DDAH1: variants seen among roughly 807,000 people sequenced by gnomAD.
DDAH1 encodes the protein dimethylarginine dimethylaminohydrolase 1, also known as N(G),N(G)-dimethylarginine dimethylaminohydrolase 1.
DDAH1 carries 19 observed loss-of-function variants against 28.8 expected under a neutral mutation model. The ratio of observed to expected loss-of-function variants is 0.66; its 90% CI spans 0.46 to 0.97. The LOEUF is 0.97. Ranked by LOEUF, DDAH1 falls within the 50% of genes least tolerant of loss-of-function variation. DDAH1 has a pLI of 0.00. For missense variants in DDAH1, 326 were observed against 375.9 expected (o/e 0.87, Z 1.10); for synonymous variants, 153 against 154.4 (o/e 0.99, Z 0.07).
chr1:85,353,072 T>G (rs2100846971), intron 2 of DDAH1, among the ~76,000 whole-genome samples: 1 of 152,266 alleles, frequency 6.6e-6, no homozygotes, highest in East Asian at 1.9e-4. Flanking sequence ...AATCAAAACA[T>G]CAAAAGATAC....
intron 2 of DDAH1, among the ~76,000 whole-genome samples, chr1:85,355,469 T>G (rs1032909158): frequency 4.6e-5 from 7 of 150,792 alleles, no homozygotes; most frequent in Admixed American, 2.0e-4. Flanking sequence ...AATTCAACAC[T>G]GTGTTAAAAA....
Position 85,525,807 on chromosome 1 carries a change from A to C in DDAH1, c.-122-29526T>G, listed in dbSNP as rs1657851404. Among the ~76,000 whole-genome samples, 4 of 152,240 alleles carry C rather than the reference A, an allele frequency of 2.6e-5. No homozygotes were observed. The South Asian group carries it at 8.3e-4, about 32-fold the overall frequency. Reference sequence around the variant, plus strand: ...CTTCCGGGTGAGCTCACAGGTTAACACTGCTTGTATCACCATCTTGAGTCA... The same window carrying C: ...CTTCCGGGTGAGCTCACAGGTTAACCCTGCTTGTATCACCATCTTGAGTCA... On this transcript the variant is annotated intron_variant, in intron 1 of 6. Transcript: ENST00000426972.
chr1:85,555,519 C>T (rs569184515), intron 1 of DDAH1, among the ~76,000 whole-genome samples: 1 of 152,268 alleles, frequency 6.6e-6, no homozygotes, highest in African/African-American at 2.4e-5. Context: ...TTAACATGTC[C>T]TCATCTACTC....
rs1319532154 is a variant in DDAH1, at chr1:85,459,558, T to G, written c.303+5185A>C. On this transcript the variant is annotated intron_variant, in intron 1 of 5. Coordinates refer to ENST00000284031, the MANE Select transcript of DDAH1 (RefSeq NM_012137.4). ...AGTTGTTCTAACTAGTTGGCGGTGA[T>G]GATTTATCAAGAACTGTTAATCTGC... Among the ~76,000 whole-genome samples, 3 of 152,230 alleles carry G rather than the reference T, an allele frequency of 2.0e-5. No individual in the cohort carries two copies. The East Asian group carries it at 5.8e-4, about 29-fold the overall frequency.
intron 1 of DDAH1, among the ~76,000 whole-genome samples, chr1:85,420,201 G>T (rs956143277): frequency 2.0e-5 from 3 of 152,138 alleles, no homozygotes; most frequent in Admixed American, 2.0e-4. Context: ...CCTGTGATGG[G>T]AGGGGCTGCC....
intron 1 of DDAH1, among the ~76,000 whole-genome samples, chr1:85,569,665 G>A (rs1359283342): frequency 6.6e-6 from 1 of 152,138 alleles, no homozygotes; most frequent in Non-Finnish European, 1.5e-5. Context: ...GCATTTGCAG[G>A]ATGGCCCAGC....
At chr1:85,342,530 T>C (rs1241592932) in intron 4 of DDAH1, among the ~76,000 whole-genome samples, 1 of 152,182 alleles carries the variant, frequency 6.6e-6, no homozygotes, top group African/African-American at 2.4e-5. Context: ...GCATGTCAAA[T>C]GGATTAAATC....
At chr1:85,507,348 CA>C (rs1657051256) in intron 1 of DDAH1, among the ~76,000 whole-genome samples, 1 of 151,882 alleles carries the variant, frequency 6.6e-6, no homozygotes, top group African/African-American at 2.4e-5. Context: ...ACAGAAAATA[CA>C]AAAATTAGCC....
intron 2 of DDAH1, chr1:85,495,529 G>A (rs914078597): frequency 4.6e-5 from 7 of 152,212 alleles, no homozygotes; most frequent in African/African-American, 1.7e-4. Context: ...TGAGAATGTG[G>A]TTTTTGTAGG....
chr1:85,464,031 T>G lies in DDAH1; in HGVS notation c.303+712A>C, dbSNP rs1655240180. On this transcript the variant is annotated intron_variant, in intron 1 of 5. Transcript: ENST00000284031. The surrounding 1 kb of genome is among the most constrained non-coding windows in gnomAD (Gnocchi z 4.4). The stretch of plus-strand genomic sequence containing the variant: ...AGTTTAAAAATATAGAGAATAAAAA[T>G]TATGGAATTTGTGAAACAACCATCT... Among the ~76,000 whole-genome samples the G allele has an allele frequency of 6.6e-6, 1 of 152,190 alleles. No homozygotes were observed. The highest frequency in any genetic ancestry group is 6.5e-5 in the Admixed American group (1 of 15,280).
chr1:85,400,199 T>C (rs907724469), intron 1 of DDAH1, among the ~76,000 whole-genome samples: 11 of 104,634 alleles, frequency 1.1e-4, no homozygotes, highest in Non-Finnish European at 2.0e-5. Flanking sequence ...TTTTTTTTTT[T>C]TTTTTTTTTG....
At chr1:85,525,567 T>TCACACACACACA (rs3058870) in intron 1 of DDAH1, among the ~76,000 whole-genome samples, 18,785 of 148,964 alleles carry the variant, frequency 0.13, 1,290 homozygotes, top group South Asian at 0.17. Flanking sequence ...AGAATGATAT[T>TCACACACACACA]CACACACACA....
chr1:85,515,711 G>A (rs1277128435), intron 1 of DDAH1, among the ~76,000 whole-genome samples: 1 of 151,928 alleles, frequency 6.6e-6, no homozygotes, highest in Non-Finnish European at 1.5e-5. Context: ...TTCTTAGGGT[G>A]TAGAAATCTA....
intron 1 of DDAH1, among the ~76,000 whole-genome samples, chr1:85,516,301 A>G (rs1461699368): frequency 6.7e-6 from 1 of 148,930 alleles, no homozygotes; most frequent in Non-Finnish European, 1.5e-5. Flanking sequence ...GCTGGGTCTC[A>G]TTTCTAGCTG....
chr1:85,486,138 G>A (rs1446887977), intron 2 of DDAH1, among the ~76,000 whole-genome samples: 1 of 152,174 alleles, frequency 6.6e-6, no homozygotes. Context: ...ACTCACTTCT[G>A]TGGGGTGATT....
At chr1:85,574,064 T>C (rs1659530146) in intron 1 of DDAH1, among the ~76,000 whole-genome samples, 2 of 152,228 alleles carry the variant, frequency 1.3e-5, no homozygotes, top group South Asian at 4.1e-4. Flanking sequence ...TTTGAAGACT[T>C]CACATAAAAA....
At chr1:85,573,489 G>C (rs189744140) in intron 1 of DDAH1, among the ~76,000 whole-genome samples, 7 of 152,330 alleles carry the variant, frequency 4.6e-5, no homozygotes, top group Admixed American at 3.3e-4. Flanking sequence ...GTGCCTTCCA[G>C]TCCTTTCCAA....
At chr1:85,481,344 T>G (rs922081011) in intron 2 of DDAH1, among the ~76,000 whole-genome samples, 11 of 152,072 alleles carry the variant, frequency 7.2e-5, no homozygotes, top group African/African-American at 2.7e-4. Flanking sequence ...GTGATCCGCC[T>G]GCCTCAGCCT....
At chr1:85,330,457 G>C (rs1307023840) in intron 4 of DDAH1, among the ~76,000 whole-genome samples, 2 of 152,150 alleles carry the variant, frequency 1.3e-5, no homozygotes, top group Non-Finnish European at 2.9e-5. Context: ...CTCCAGTGCT[G>C]TATGTAGTGT....
Sources: allele counts gnomAD v4.1 joint callset (sites outside exome capture counted in the v4.1 genomes callset), GRCh38; gene constraint gnomAD v4.1.1; non-coding constraint Gnocchi (gnomAD v3.1); transcripts MANE v1.5; gene names NCBI Gene and HGNC (gene_info 2026-07-23, HGNC 2026-07-21).